The following PCDHA4 variants were observed in gnomAD, a reference collection of about 807,000 sequenced individuals.
The protein encoded by PCDHA4 is protocadherin alpha 4, also known as protocadherin alpha-4.
In PCDHA4, 49 loss-of-function variants were observed where a neutral mutation model predicts 61.4. The observed-to-expected ratio is 0.80, with a 90% CI of 0.63 to 1.01. The LOEUF (loss-of-function observed/expected upper bound fraction) is 1.01. Among genes scored for constraint, PCDHA4 ranks in the 50% least tolerant of loss-of-function variants. The probability of loss-of-function intolerance (pLI) is 0.00; values close to 1 mark genes in which losing one functional copy is unlikely to be tolerated. For synonymous variants in PCDHA4, 590 were observed against 550.3 expected (o/e 1.07, Z -1.01); for missense variants, 1,254 against 1,235.8 (o/e 1.01, Z -0.22).
chr5:140,967,794 T>G, intron 1 of PCDHA4: 1 of 1,614,178 alleles, frequency 6.2e-7, no homozygotes. Flanking sequence ...CGGGGTCCAG[T>G]GCCCATGGCA....
chr5:140,949,111 T>C (rs1316111436), intron 1 of PCDHA4, among the ~76,000 whole-genome samples: 1 of 151,772 alleles, frequency 6.6e-6, no homozygotes, highest in African/African-American at 2.4e-5. Context: ...AGTTTACAAA[T>C]ATTTTTGGTT....
chr5:140,891,591 A>T (rs782194139), intron 1 of PCDHA4, among the ~76,000 whole-genome samples: 1 of 152,092 alleles, frequency 6.6e-6, no homozygotes, highest in Non-Finnish European at 1.5e-5. Flanking sequence ...TTATTACTCT[A>T]TCCCATCTAT....
At chr5:140,971,987 G>A (rs1246433962) in intron 1 of PCDHA4, among the ~76,000 whole-genome samples, 1 of 152,086 alleles carries the variant, frequency 6.6e-6, no homozygotes, top group Non-Finnish European at 1.5e-5. Context: ...GTAGACAGAA[G>A]TTCCAATGTT....
chr5:140,987,747 T>G (rs1336636332), intron 3 of PCDHA4, among the ~76,000 whole-genome samples: 1 of 152,178 alleles, frequency 6.6e-6, no homozygotes. Context: ...TAGACCCAGG[T>G]TGTTCTGAGT....
chr5:140,845,716 T>C (rs1554140984), intron 1 of PCDHA4, among the ~76,000 whole-genome samples: 1 of 149,718 alleles, frequency 6.7e-6, no homozygotes, highest in Non-Finnish European at 1.5e-5. Context: ...TATGTATGCA[T>C]GATAAATGTG....
rs1443735818 is a variant in PCDHA4, at chr5:140,849,722, G to A, written c.2385+40150G>A. The A allele has an allele frequency of 7.5e-6, 12 of 1,598,448 alleles. 1 individual carries two copies. The highest frequency in any genetic ancestry group is 9.4e-6 in the Non-Finnish European group (11 of 1,167,996). On this transcript the variant is annotated intron_variant, in intron 1 of 3. Coordinates refer to ENST00000530339, the MANE Select transcript of PCDHA4 (RefSeq NM_018907.4). ...ACAAGAATTACTACTCGTTGGTGCT[G>A]GACAGAGCTCTGGACCGCGAGAGTG...
chr5:140,871,300 C>T (rs1562661811), intron 1 of PCDHA4: 4 of 1,613,916 alleles, frequency 2.5e-6, no homozygotes, highest in Non-Finnish European at 3.4e-6. Context: ...CGCGTGCGCG[C>T]CGGGGAAGCC....
Position 140,808,225 on chromosome 5 carries a change from T to G in PCDHA4, c.1038T>G (p.Asn346Lys). 6.2e-7 allele frequency: 1 copy of G among 1,614,252 alleles called. No individual in the cohort carries two copies. Among genetic ancestry groups the G allele is most frequent in the Non-Finnish European group, 8.5e-7 (1 of 1,180,042 alleles). ...VIVEVEDNNDNVPDLEFKSLS... is the reference protein window; with the variant it reads ...VIVEVEDNNDKVPDLEFKSLS... ...TGGAAGTAGAAGACAACAACGATAA[T>G]GTCCCAGATTTGGAATTCAAGTCTT... Residue 346 changes from asparagine to lysine, a missense_variant, in exon 1 of 4, where the codon AAT becomes AAG. Coordinates refer to ENST00000530339, the MANE Select transcript of PCDHA4 (RefSeq NM_018907.4).
rs1472597239 is a variant in PCDHA4, at chr5:140,928,524, TG to T, written c.2386-50424del. 16 of 1,614,070 alleles carry T rather than the reference TG, an allele frequency of 9.9e-6. No individual in the cohort carries two copies. The African/African-American group carries it at 2.1e-4, about 22-fold the overall frequency. On this transcript the variant is annotated intron_variant, in intron 1 of 3. Transcript: ENST00000530339. Reference sequence around the variant, plus strand: ...GTGCAACAGTGACTATAAACTTGTTTGTGGTAGATAGGAATGACAATTATCC... The same window carrying T: ...GTGCAACAGTGACTATAAACTTGTTTTGGTAGATAGGAATGACAATTATCC...
chr5:140,929,166 C>T (rs782695019), intron 1 of PCDHA4: 1 of 1,614,146 alleles, frequency 6.2e-7, no homozygotes, highest in Non-Finnish European at 8.5e-7. Context: ...TCTATCGGGC[C>T]TCTCTGGGAC....
At chr5:140,860,585 A>G (rs782000527) in intron 1 of PCDHA4, 1 of 152,230 alleles carries the variant, frequency 6.6e-6, no homozygotes, top group African/African-American at 2.4e-5. Flanking sequence ...AAGGTATAGG[A>G]AAGGAGTTGG....
Position 140,808,286 on chromosome 5 carries a change from A to G in PCDHA4, c.1099A>G (p.Thr367Ala). 6.2e-7 allele frequency: 1 copy of G among 1,614,260 alleles called. No homozygotes were observed. Among genetic ancestry groups the G allele is most frequent in the Admixed American group, 1.7e-5 (1 of 60,030 alleles). Residue 367 changes from threonine to alanine, a missense_variant, in exon 1 of 4, where the codon ACA becomes GCA. Coordinates refer to ENST00000530339, the MANE Select transcript of PCDHA4 (RefSeq NM_018907.4). ...LPIREDAPLGTVIALISVSDK... is the reference protein window; with the variant it reads ...LPIREDAPLGAVIALISVSDK... ...AATTAGAGAGGACGCTCCACTGGGT[A>G]CAGTCATCGCCCTGATCAGCGTGTC...
Position 140,908,048 on chromosome 5 carries a change from C to T in PCDHA4, c.2386-70901C>T, listed in dbSNP as rs143198443. On this transcript the variant is annotated intron_variant, in intron 1 of 3. Transcript: ENST00000530339. The stretch of plus-strand genomic sequence containing the variant: ...ATTAATCAGTATATAATTGCACATC[C>T]GGCCATTTCTCCTTCATGAAAAGTG... 1.1e-3 allele frequency among the ~76,000 whole-genome samples: 169 copies of T among 152,294 alleles called. 1 individual carries two copies. The East Asian group carries it at 0.023, about 21-fold the overall frequency.
At chr5:140,997,849 T>C (rs1554256029) in intron 3 of PCDHA4, among the ~76,000 whole-genome samples, 1 of 152,208 alleles carries the variant, frequency 6.6e-6, no homozygotes, top group African/African-American at 2.4e-5. Flanking sequence ...TACATTCTTA[T>C]ACATATTTCT....
chr5:140,880,747 T>C (rs555658670), intron 1 of PCDHA4, among the ~76,000 whole-genome samples: 16 of 152,334 alleles, frequency 1.1e-4, no homozygotes, highest in African/African-American at 3.8e-4. Context: ...GGATTGTCAG[T>C]GTAACTGCGT....
chr5:140,823,294 G>C lies in PCDHA4; in HGVS notation c.2385+13722G>C. On this transcript the variant is annotated intron_variant, in intron 1 of 3. Transcript: ENST00000530339. ...GGGCGAGCGCCCGCTGTCGAGTTACGTTTCGGTGCACGCGGAGAGCGGCAA... is the reference window on the plus strand; with the variant it reads ...GGGCGAGCGCCCGCTGTCGAGTTACCTTTCGGTGCACGCGGAGAGCGGCAA... 3.7e-6 allele frequency: 6 copies of C among 1,612,492 alleles called. No individual in the cohort carries two copies. In the East Asian group the frequency reaches 1.3e-4, roughly 36 times the overall value.
At position 140,807,591 on chromosome 5, in the gene PCDHA4, C is replaced by T. The variant is rs1482430512; in HGVS notation, c.404C>T (p.Ala135Val). 1.9e-6 allele frequency: 3 copies of T among 1,614,028 alleles called. No individual in the cohort carries two copies. In the African/African-American group the frequency reaches 4.0e-5, roughly 22 times the overall value. The change falls in exon 1 of 4, where the codon GCA (alanine) becomes GTA (valine). Residue 135 changes from alanine to valine, a missense_variant. Transcript: ENST00000530339. Reference sequence around the variant, plus strand: ...AACGATAACCCGCCGGTGTTCCCAGCAACACAAAAGAACCTGTCCATCGCG... The same window carrying T: ...AACGATAACCCGCCGGTGTTCCCAGTAACACAAAAGAACCTGTCCATCGCG... ...DINDNPPVFP[A>V]TQKNLSIAES... is the part of the protein sequence containing the mutation.
chr5:141,010,360 C>T lies in PCDHA4; in HGVS notation c.*423C>T, dbSNP rs1436094767. 22 of 1,488,936 alleles carry T rather than the reference C, an allele frequency of 1.5e-5. No individual in the cohort carries two copies. Among genetic ancestry groups the T allele is most frequent in the Non-Finnish European group, 1.9e-5 (21 of 1,118,260 alleles). The allele number at this position is 1,488,936 out of a possible 1,614,324, so 92.2% of individuals were successfully genotyped here. ...GGCCACTGGGTATGTGTGGCTACCG[C>T]GGGTATGCGAGTGCCAGATATTGGC... On this transcript the variant is annotated 3_prime_UTR_variant, in exon 4 of 4. Coordinates refer to ENST00000530339, the MANE Select transcript of PCDHA4 (RefSeq NM_018907.4).
intron 1 of PCDHA4, chr5:140,855,854 T>A: frequency 1.5e-6 from 1 of 683,620 alleles, no homozygotes; most frequent in South Asian, 2.3e-5. Flanking sequence ...AGCCACCGGA[T>A]GTCGCTGTCG....
Sources: gnomAD v4.1 joint callset for allele counts (sites outside exome capture counted in the v4.1 genomes callset) on GRCh38, gnomAD v4.1.1 for gene constraint, MANE v1.5 for transcripts, NCBI Gene and HGNC (gene_info 2026-07-23, HGNC 2026-07-21) for gene names.